The following L3MBTL4 variants were observed in gnomAD, a reference collection of about 807,000 sequenced individuals.
L3MBTL4 encodes the protein L3MBTL histone methyl-lysine binding protein 4.
In L3MBTL4, 70 loss-of-function variants were observed where a neutral mutation model predicts 84.5. The observed-to-expected ratio is 0.83, with a 90% CI of 0.68 to 1.01. The LOEUF is 1.01. Ranked by LOEUF, L3MBTL4 falls within the 50% of genes least tolerant of loss-of-function variation. L3MBTL4 has a pLI of 0.00. For missense variants in L3MBTL4, 715 were observed against 754.8 expected (o/e 0.95, Z 0.62); for synonymous variants, 274 against 259.8 (o/e 1.05, Z -0.52).
chr18:6,307,647 T>G (rs1325233851), intron 3 of L3MBTL4, among the ~76,000 whole-genome samples: 1 of 152,142 alleles, frequency 6.6e-6, no homozygotes, highest in Non-Finnish European at 1.5e-5. Context: ...ATGTACTTAG[T>G]TGTTTTCCAT....
intron 14 of L3MBTL4, among the ~76,000 whole-genome samples, chr18:6,097,469 C>A (rs1233917449): frequency 2.0e-5 from 3 of 152,176 alleles, no homozygotes; most frequent in African/African-American, 7.2e-5. Flanking sequence ...TGAGGCTGGA[C>A]CCCTGCATTT....
intron 4 of L3MBTL4, among the ~76,000 whole-genome samples, chr18:6,276,707 G>C (rs1193705812): frequency 7.2e-6 from 1 of 139,070 alleles, no homozygotes; most frequent in Non-Finnish European, 1.6e-5. Flanking sequence ...AGTGGGTGAA[G>C]ACAGACAATA....
chr18:6,319,215 G>A (rs2051277478), intron 1 of L3MBTL4, among the ~76,000 whole-genome samples: 1 of 151,876 alleles, frequency 6.6e-6, no homozygotes, highest in Non-Finnish European at 1.5e-5. Flanking sequence ...CACACCTCAA[G>A]GAACTATGAG....
At chr18:6,405,742 T>A (rs186146500) in intron 1 of L3MBTL4, among the ~76,000 whole-genome samples, 1 of 138,734 alleles carries the variant, frequency 7.2e-6, no homozygotes. Flanking sequence ...AGGAGAGAGG[T>A]CTGAGTGCCT....
chr18:6,197,896 G>A (rs534539713), intron 12 of L3MBTL4, among the ~76,000 whole-genome samples: 1 of 152,208 alleles, frequency 6.6e-6, no homozygotes, highest in Admixed American at 6.5e-5. Context: ...TGTTGAGCCC[G>A]CAGCCCAGAA....
chr18:6,062,388 G>A (rs1306827462), intron 16 of L3MBTL4, among the ~76,000 whole-genome samples: 1 of 151,812 alleles, frequency 6.6e-6, no homozygotes, highest in Non-Finnish European at 1.5e-5. Context: ...ATTTTCCTCT[G>A]GCTTCTTTCA....
intron 13 of L3MBTL4, among the ~76,000 whole-genome samples, chr18:6,145,996 G>T (rs1484703151): frequency 6.6e-6 from 1 of 152,232 alleles, no homozygotes; most frequent in Non-Finnish European, 1.5e-5. Flanking sequence ...TTAAGACGGG[G>T]AGGCAGAGAA....
intron 13 of L3MBTL4, among the ~76,000 whole-genome samples, chr18:6,171,180 C>A (rs140317448): frequency 1.5e-3 from 225 of 152,142 alleles, no homozygotes; most frequent in African/African-American, 5.3e-3. Flanking sequence ...AGTGAGGGAA[C>A]AAAACAAACA....
intron 1 of L3MBTL4, among the ~76,000 whole-genome samples, chr18:6,326,258 A>G (rs2051712066): frequency 6.6e-6 from 1 of 152,222 alleles, no homozygotes; most frequent in Non-Finnish European, 1.5e-5. Flanking sequence ...AAAGGTGTCT[A>G]CTGTAAGAAT....
At chr18:6,173,037 G>A (rs534103133) in intron 12 of L3MBTL4, among the ~76,000 whole-genome samples, 6 of 152,112 alleles carry the variant, frequency 3.9e-5, no homozygotes, top group Non-Finnish European at 5.9e-5. Context: ...CAAATTCTTG[G>A]CTCCACCTCA....
intron 12 of L3MBTL4, among the ~76,000 whole-genome samples, chr18:6,197,625 A>C (rs1177775007): frequency 1.3e-5 from 2 of 152,202 alleles, no homozygotes; most frequent in Non-Finnish European, 2.9e-5. Flanking sequence ...TTGGGTATAT[A>C]TCCCAGTCTT....
At chr18:6,322,402 A>G (rs2051454965) in intron 1 of L3MBTL4, among the ~76,000 whole-genome samples, 1 of 150,066 alleles carries the variant, frequency 6.7e-6, no homozygotes, top group African/African-American at 2.5e-5. Context: ...AAAGGAAAGG[A>G]AAGGAAAGGA....
chr18:6,002,759 C>T (rs990507138), intron 16 of L3MBTL4, among the ~76,000 whole-genome samples: 2 of 151,590 alleles, frequency 1.3e-5, no homozygotes, highest in Non-Finnish European at 1.5e-5. Context: ...CAAAAGAATA[C>T]AATAATGTAG....
At chr18:6,001,270 C>T (rs558513675) in intron 16 of L3MBTL4, among the ~76,000 whole-genome samples, 1 of 152,306 alleles carries the variant, frequency 6.6e-6, no homozygotes, top group African/African-American at 2.4e-5. Flanking sequence ...AAAAAATTTC[C>T]GTCCAGTTTT....
chr18:6,162,713 C>T (rs979960552), intron 13 of L3MBTL4, among the ~76,000 whole-genome samples: 2 of 152,224 alleles, frequency 1.3e-5, no homozygotes, highest in African/African-American at 4.8e-5. Flanking sequence ...TGTGACTCCT[C>T]TGTAGAGCAA....
intron 16 of L3MBTL4, among the ~76,000 whole-genome samples, chr18:6,065,839 T>C (rs931996249): frequency 4.1e-4 from 63 of 152,118 alleles, no homozygotes; most frequent in Middle Eastern, 3.2e-3. Context: ...TAATGTTCTT[T>C]TTGTTTCAAT....
At chr18:6,168,980 A>G (rs1219959338) in intron 13 of L3MBTL4, among the ~76,000 whole-genome samples, 1 of 152,226 alleles carries the variant, frequency 6.6e-6, no homozygotes, top group East Asian at 1.9e-4. Context: ...ACAAATTTAC[A>G]AGAAAAAAAC....
chr18:6,042,739 C>A (rs2056457033), intron 16 of L3MBTL4, among the ~76,000 whole-genome samples: 1 of 152,172 alleles, frequency 6.6e-6, no homozygotes, highest in Non-Finnish European at 1.5e-5. Flanking sequence ...GGTCTTAGGT[C>A]TAGGCCTTTC....
intron 14 of L3MBTL4, among the ~76,000 whole-genome samples, chr18:6,130,409 C>A (rs957502637): frequency 6.6e-6 from 1 of 152,128 alleles, no homozygotes; most frequent in South Asian, 2.1e-4. Flanking sequence ...CCACTAAGAG[C>A]ACCCAAAAAT....
Sources: gnomAD v4.1 joint callset for allele counts (sites outside exome capture counted in the v4.1 genomes callset) on GRCh38, gnomAD v4.1.1 for gene constraint, MANE v1.5 for transcripts, NCBI Gene and HGNC (gene_info 2026-07-23, HGNC 2026-07-21) for gene names.